The following CUL3 variants were observed in gnomAD, a reference collection of about 807,000 sequenced individuals.
The protein encoded by CUL3 is cullin-3.
CUL3 carries 19 observed loss-of-function variants against 89.1 expected under a neutral mutation model. The ratio of observed to expected loss-of-function variants is 0.21; its 90% CI spans 0.15 to 0.31. The LOEUF (loss-of-function observed/expected upper bound fraction) is 0.31. Among genes scored for constraint, CUL3 ranks in the 10% least tolerant of loss-of-function variants. The pLI, the probability that CUL3 is intolerant of heterozygous loss-of-function variation, is 1.00. For synonymous variants in CUL3, 351 were observed against 308.4 expected (o/e 1.14, Z -1.45); for missense variants, 469 against 942.3 (o/e 0.50, Z 6.58).
chr2:224,583,491 CAATT>C (rs1695491509), intron 1 of CUL3, among the ~76,000 whole-genome samples: 1 of 152,112 alleles, frequency 6.6e-6, no homozygotes, highest in African/African-American at 2.4e-5. Flanking sequence ...CAGCTCTGCC[CAATT>C]ATAAGGGAAA....
At chr2:224,516,318 C>CTT (rs68130414) in intron 3 of CUL3, among the ~76,000 whole-genome samples, 35 of 133,430 alleles carry the variant, frequency 2.6e-4, no homozygotes, top group South Asian at 2.4e-3. Flanking sequence ...TTTTTGTTTG[C>CTT]TTTTTTTTTT....
chr2:224,504,001 T>C, intron 8 of CUL3, 179 bp from the exon 9 acceptor site: 1 of 495,406 alleles, frequency 2.0e-6, no homozygotes, highest in Middle Eastern at 5.3e-4. Context: ...GCATCATTCT[T>C]ACATTCTCAT....
intron 3 of CUL3, among the ~76,000 whole-genome samples, chr2:224,525,771 A>G (rs1008459974): frequency 6.6e-6 from 1 of 152,228 alleles, no homozygotes; most frequent in South Asian, 2.1e-4. Flanking sequence ...AAGAGTTCCT[A>G]AAGAAACTGT....
chr2:224,488,485 C>T (rs1691828278), intron 13 of CUL3, among the ~76,000 whole-genome samples: 1 of 152,164 alleles, frequency 6.6e-6, no homozygotes, highest in Non-Finnish European at 1.5e-5. Flanking sequence ...ATACTATAAA[C>T]ACTTTTATGC....
At chr2:224,561,555 T>G (rs200827074) in intron 1 of CUL3, among the ~76,000 whole-genome samples, 2 of 152,224 alleles carry the variant, frequency 1.3e-5, no homozygotes, top group African/African-American at 4.8e-5. Context: ...TCTGATCTTT[T>G]CTGAAGAGCT....
At chr2:224,563,834 T>G (rs1201333348) in intron 1 of CUL3, among the ~76,000 whole-genome samples, 2 of 152,206 alleles carry the variant, frequency 1.3e-5, no homozygotes, top group Admixed American at 1.3e-4. Context: ...AATGTTTATC[T>G]TACTTAATAC....
chr2:224,555,081 A>C (rs1257929562), intron 2 of CUL3, among the ~76,000 whole-genome samples: 2 of 152,168 alleles, frequency 1.3e-5, no homozygotes, highest in Non-Finnish European at 2.9e-5. Context: ...CCCAAGCTCT[A>C]AATCTATGTG....
chr2:224,558,144 T>C lies in CUL3; in HGVS notation c.67-288A>G, dbSNP rs1053377022. ...CTTTAAATAAAATCATAATGATTTATATACCCGTAAGTCACTTACCCCTTA... is the reference window on the plus strand; with the variant it reads ...CTTTAAATAAAATCATAATGATTTACATACCCGTAAGTCACTTACCCCTTA... On this transcript the variant is annotated intron_variant, in intron 1 of 15. Coordinates refer to ENST00000264414, the MANE Select transcript of CUL3 (RefSeq NM_003590.5). 3.3e-5 allele frequency among the ~76,000 whole-genome samples: 5 copies of C among 152,170 alleles called. No homozygotes were observed. The East Asian group carries it at 5.8e-4, about 18-fold the overall frequency.
intron 14 of CUL3, chr2:224,480,247 G>T (rs1250738747): frequency 6.6e-6 from 1 of 152,106 alleles, no homozygotes; most frequent in East Asian, 1.9e-4. Context: ...ACTGGCTACA[G>T]TAAAAGCAGC....
rs747230483 is a variant in CUL3, at chr2:224,511,425, T to C, written c.812A>G (p.Lys271Arg). 3.3e-5 allele frequency: 53 copies of C among 1,613,868 alleles called. No individual in the cohort carries two copies. The Admixed American group carries it at 8.7e-4, about 26-fold the overall frequency. The change falls in exon 6 of 16, where the codon AAG becomes AGG. Residue 271 changes from lysine to arginine, a missense_variant. By Grantham distance (26) the Lys-to-Arg change is conservative (BLOSUM62 2). Coordinates refer to ENST00000264414, the MANE Select transcript of CUL3 (RefSeq NM_003590.5). Reference sequence around the variant, plus strand: ...CATTTCTACTATAGTCTTCATGTGCTTGGAAATGAGTTCCCTTTCAACCAC... The same window carrying C: ...CATTTCTACTATAGTCTTCATGTGCCTGGAAATGAGTTCCCTTTCAACCAC... Reference protein sequence around the residue: ...VKVVERELISKHMKTIVEMEN... With the variant: ...VKVVERELISRHMKTIVEMEN...
chr2:224,569,682 T>C (rs1695134880), intron 1 of CUL3: 2 of 1,176,310 alleles, frequency 1.7e-6, no homozygotes, highest in Non-Finnish European at 2.1e-6. Context: ...GTCTATTATA[T>C]ACTTACACAT....
intron 3 of CUL3, among the ~76,000 whole-genome samples, chr2:224,529,527 G>A (rs943488781): frequency 5.3e-5 from 8 of 151,780 alleles, no homozygotes; most frequent in African/African-American, 1.9e-4. Context: ...TACTTGGGAG[G>A]CTGAGGCAGG....
At chr2:224,575,508 A>G (rs1178653788) in intron 1 of CUL3, among the ~76,000 whole-genome samples, 1 of 152,184 alleles carries the variant, frequency 6.6e-6, no homozygotes, top group Non-Finnish European at 1.5e-5. Context: ...GGCTTGGGAG[A>G]ATAAATGGGT....
intron 1 of CUL3, among the ~76,000 whole-genome samples, chr2:224,570,373 G>A (rs1695155728): frequency 6.6e-6 from 1 of 152,300 alleles, no homozygotes; most frequent in Non-Finnish European, 1.5e-5. Flanking sequence ...ACCTTTCAAA[G>A]CTCACTTTCC....
Position 224,500,348 on chromosome 2 carries a change from C to A in CUL3, c.1610+15G>T. 6.2e-7 allele frequency: 1 copy of A among 1,613,674 alleles called. No homozygotes were observed. The highest frequency in any genetic ancestry group is 1.1e-5 in the South Asian group (1 of 91,062). On this transcript the variant is annotated intron_variant, in intron 11 of 15. Coordinates refer to ENST00000264414, the MANE Select transcript of CUL3 (RefSeq NM_003590.5). ...TTACTTGTACACAGTGATACAAAGT[C>A]TGATTTTGATTTACCTTCTGAATAT...
intron 13 of CUL3, 128 bp downstream of exon 13, chr2:224,495,704 C>G: frequency 1.5e-6 from 1 of 665,756 alleles, no homozygotes; most frequent in Non-Finnish European, 2.5e-6. Flanking sequence ...TTCCATGATC[C>G]ATTTTATACA....
At chr2:224,542,452 A>C (rs191482039) in intron 2 of CUL3, among the ~76,000 whole-genome samples, 2 of 151,962 alleles carry the variant, frequency 1.3e-5, no homozygotes, top group African/African-American at 4.8e-5. Flanking sequence ...GAGCCTCCCA[A>C]GTAGCTAGGA....
At chr2:224,573,526 T>C (rs1695232190) in intron 1 of CUL3, among the ~76,000 whole-genome samples, 1 of 152,222 alleles carries the variant, frequency 6.6e-6, no homozygotes, top group African/African-American at 2.4e-5. Flanking sequence ...CCAGTAAAAC[T>C]TAAGCTTACG....
At chr2:224,526,421 A>G (rs58532102) in intron 3 of CUL3, among the ~76,000 whole-genome samples, 2,326 of 151,904 alleles carry the variant, frequency 0.015, 65 homozygotes, top group African/African-American at 0.054. Flanking sequence ...CCCGTCTTTA[A>G]GAAAAATACA....
Sources: gnomAD v4.1 joint callset for allele counts (sites outside exome capture counted in the v4.1 genomes callset) on GRCh38, gnomAD v4.1.1 for gene constraint, MANE v1.5 for transcripts, NCBI Gene and HGNC (gene_info 2026-07-23, HGNC 2026-07-21) for gene names.